Variants in PSMA5 observed in about 807,000 individuals in gnomAD.
PSMA5 encodes proteasome 20S subunit alpha 5.
In PSMA5, 3 loss-of-function variants were observed where a neutral mutation model predicts 34.5. The ratio of observed to expected loss-of-function variants is 0.09; its 90% CI spans 0.04 to 0.22. The LOEUF is 0.22. Ranked by LOEUF, PSMA5 falls within the 10% of genes least tolerant of loss-of-function variation. The pLI, the probability that PSMA5 is intolerant of heterozygous loss-of-function variation, is 1.00. For missense variants in PSMA5, 120 were observed against 286.1 expected, an observed-to-expected ratio of 0.42 and a Z score of 4.19; for synonymous variants, 88 against 95.8, an observed-to-expected ratio of 0.92 and a Z score of 0.47.
intron 2 of PSMA5, among the ~76,000 whole-genome samples, chr1:109,418,169 G>A (rs1055952212): frequency 6.6e-6 from 1 of 152,032 alleles, no homozygotes; most frequent in Non-Finnish European, 1.5e-5. Flanking sequence ...AGCTGTGATC[G>A]TACCACTGCA....
At chr1:109,408,249 T>A (rs1205669204) in intron 8 of PSMA5, among the ~76,000 whole-genome samples, 2 of 152,152 alleles carry the variant, frequency 1.3e-5, no homozygotes, top group Non-Finnish European at 2.9e-5. Flanking sequence ...ATCCCACACC[T>A]CAGCAGTCAG....
intron 2 of PSMA5, 136 bp from the exon 3 acceptor site, chr1:109,415,499 C>A (rs1368974113): frequency 2.7e-6 from 2 of 743,744 alleles, no homozygotes; most frequent in African/African-American, 3.5e-5. Flanking sequence ...GAAGGAGCAC[C>A]CTAACATACT....
rs186675394 is a variant in PSMA5 at position 109,422,130 on chromosome 1, G to A, written c.30-204C>T. On this transcript the variant is annotated intron_variant, in intron 1 of 8. Coordinates refer to ENST00000271308, the MANE Select transcript of PSMA5 (RefSeq NM_002790.4). ...TGGAACCTATATATAGAACACTTCT[G>A]CCTCACTCCCAGAAAGTCTTCCCAA... Among the ~76,000 whole-genome samples the A allele has an allele frequency of 1.4e-4, 21 of 152,226 alleles. No individual in the cohort carries two copies. In the East Asian group the frequency reaches 3.1e-3, roughly 22 times the overall value.
chr1:109,408,557 T>C (rs1370599670), intron 8 of PSMA5, among the ~76,000 whole-genome samples: 2 of 152,248 alleles, frequency 1.3e-5, no homozygotes, highest in Admixed American at 1.3e-4. Flanking sequence ...TCTAGCATAA[T>C]ACCTGCTATA....
intron 8 of PSMA5, among the ~76,000 whole-genome samples, chr1:109,409,298 A>C (rs571705569): frequency 6.6e-5 from 10 of 152,334 alleles, no homozygotes; most frequent in African/African-American, 2.4e-4. Flanking sequence ...CTGGAACTAC[A>C]GGTGCGTGCC....
At chr1:109,402,980 C>T (rs190172382) in intron 8 of PSMA5, among the ~76,000 whole-genome samples, 22 of 152,334 alleles carry the variant, frequency 1.4e-4, no homozygotes, top group Admixed American at 1.4e-3. Flanking sequence ...GCTAGGATTA[C>T]AGATGTGAGC....
chr1:109,413,926 G>A (rs916708462), intron 3 of PSMA5, among the ~76,000 whole-genome samples: 1 of 152,082 alleles, frequency 6.6e-6, no homozygotes, highest in Admixed American at 6.5e-5. Flanking sequence ...ACTGGCCTCC[G>A]TGCCTCCAGT....
chr1:109,421,205 A>T (rs531939787), intron 2 of PSMA5, among the ~76,000 whole-genome samples: 1 of 151,974 alleles, frequency 6.6e-6, no homozygotes, highest in Admixed American at 6.6e-5. Flanking sequence ...CACTAAAACA[A>T]ATCTCTTATT....
intron 8 of PSMA5, among the ~76,000 whole-genome samples, chr1:109,409,608 T>C (rs1238236986): frequency 6.6e-6 from 1 of 152,176 alleles, no homozygotes; most frequent in African/African-American, 2.4e-5. Flanking sequence ...CCAGCTATGA[T>C]ATCTGAATAA....
At chr1:109,422,484 T>A (rs1255675570) in intron 1 of PSMA5, among the ~76,000 whole-genome samples, 1 of 23,128 alleles carries the variant, frequency 4.3e-5, no homozygotes, top group South Asian at 2.6e-3. Flanking sequence ...AGTTATTACT[T>A]TTTTTTTTTT....
At chr1:109,403,865 C>CA (rs1263524714) in intron 8 of PSMA5, among the ~76,000 whole-genome samples, 1 of 152,056 alleles carries the variant, frequency 6.6e-6, no homozygotes, top group Non-Finnish European at 1.5e-5. Context: ...GTTCTCCTCT[C>CA]AAAGCTTGTA....
At chr1:109,415,475 C>T in intron 2 of PSMA5, 112 bp from the exon 3 acceptor site, 1 of 1,156,838 alleles carries the variant, frequency 8.6e-7, no homozygotes, top group East Asian at 2.6e-5. Flanking sequence ...CTGGCCACAT[C>T]TTATAGGCAG....
intron 2 of PSMA5, among the ~76,000 whole-genome samples, chr1:109,416,019 A>G (rs1249048606): frequency 6.6e-6 from 1 of 152,198 alleles, no homozygotes; most frequent in Non-Finnish European, 1.5e-5. Flanking sequence ...ACTCCCAGTC[A>G]TCTACTCCTC....
At chr1:109,412,053 ACT>A in intron 5 of PSMA5, 22 bp downstream of exon 5, 1 of 1,605,396 alleles carries the variant, frequency 6.2e-7, no homozygotes, top group Non-Finnish European at 8.5e-7. Flanking sequence ...CAATAAGAAA[ACT>A]CGACAGAAGT....
chr1:109,421,290 C>G (rs1238133065), intron 2 of PSMA5, among the ~76,000 whole-genome samples: 1 of 151,978 alleles, frequency 6.6e-6, no homozygotes, highest in African/African-American at 2.4e-5. Context: ...GTAATCCCAG[C>G]ACTTTGGGAG....
rs576391524 is a variant in PSMA5, at chr1:109,414,982, C to T, written c.223+255G>A. ...CTTGTAGTCACTTCAAAGATCTCAA[C>T]CTTTGCATATTTCAACAACCATCAC... On this transcript the variant is annotated intron_variant, in intron 3 of 8. Transcript: ENST00000271308. 9 of 374,850 alleles carry T rather than the reference C, an allele frequency of 2.4e-5. No individual in the cohort carries two copies. The East Asian group carries it at 3.3e-4, about 14-fold the overall frequency. 23.2% of individuals were successfully genotyped at this position (374,850 alleles called of 1,614,324 possible).
chr1:109,411,040 G>C lies in PSMA5; in HGVS notation c.532C>G (p.Gln178Glu). The C allele has an allele frequency of 5.6e-6, 9 of 1,613,546 alleles. No individual in the cohort carries two copies. Among genetic ancestry groups the C allele is most frequent in the Non-Finnish European group, 7.6e-6 (9 of 1,179,716 alleles). Residue 178 changes from glutamine (Q) to glutamate (E), a missense_variant, in exon 7 of 9, where the codon CAG (glutamine) becomes GAG (glutamate). Gln to Glu is a conservative substitution (Grantham distance 29). Around this residue, in one of 3 missense-constraint regions of PSMA5, gnomAD observed 83 missense variants for 203.2 expected, o/e 0.41. Transcript: ENST00000271308. The stretch of plus-strand genomic sequence containing the variant: ...TGGTAAACTTCTTGCAAGGAGCTCT[G>C]GGCACCCTCTGAAGCAGAGCCAATT... The part of the protein sequence containing the change: ...RAIGSASEGA[Q>E]SSLQEVYHKS...
At chr1:109,413,230 GCAGCCATT>G in intron 3 of PSMA5, 95 bp from the exon 4 acceptor site, 1 of 1,165,586 alleles carries the variant, frequency 8.6e-7, no homozygotes, top group Non-Finnish European at 1.3e-6. Context: ...TGGAACCACG[GCAGCCATT>G]CAGCTATCCC....
At chr1:109,423,548 G>A (rs1654530615) in intron 1 of PSMA5, among the ~76,000 whole-genome samples, 1 of 152,190 alleles carries the variant, frequency 6.6e-6, no homozygotes, top group Non-Finnish European at 1.5e-5. Flanking sequence ...TTTCCAGTTT[G>A]AAATATTATC....
Sources: allele counts gnomAD v4.1 joint callset (sites outside exome capture counted in the v4.1 genomes callset), GRCh38; gene constraint gnomAD v4.1.1; regional missense constraint gnomAD v4.1.1; transcripts MANE v1.5; gene names NCBI Gene and HGNC (gene_info 2026-07-23, HGNC 2026-07-21).